The following SNX29 variants were observed in gnomAD, a reference collection of about 807,000 sequenced individuals.
The protein encoded by SNX29 is sorting nexin 29.
Under a neutral mutation model 102.1 loss-of-function variants are expected in SNX29, and 78 were observed. That is an observed-to-expected ratio of 0.76 (90% CI 0.64 to 0.92). The LOEUF (loss-of-function observed/expected upper bound fraction) is 0.92, where lower values mean the gene tolerates loss of function less well. Ranked by LOEUF, SNX29 falls within the 40% of genes least tolerant of loss-of-function variation. The pLI, the probability that SNX29 is intolerant of heterozygous loss-of-function variation, is 0.00. For synonymous variants in SNX29, 580 were observed against 414.5 expected, an observed-to-expected ratio of 1.40 and a Z score of -4.85; for missense variants, 1,280 against 1,061.7, an observed-to-expected ratio of 1.21 and a Z score of -2.86.
chr16:12,148,908 G>T (rs375562527), intron 13 of SNX29, among the ~76,000 whole-genome samples: 20 of 152,050 alleles, frequency 1.3e-4, no homozygotes, highest in African/African-American at 4.3e-4. Flanking sequence ...CTCCATGTTT[G>T]TCAGGCTGGT....
rs1469427547 is a variant in SNX29 at position 12,129,755 on chromosome 16, C to A, written c.1592C>A (p.Ala531Asp). Reference sequence around the variant, plus strand: ...CAGGGCATGAAGGTCCAGGCGCTGGCCAGGTAGGAGAGGGTGAGGGATGGA... The same window carrying A: ...CAGGGCATGAAGGTCCAGGCGCTGGACAGGTAGGAGAGGGTGAGGGATGGA... The part of the protein sequence containing the change: ...ERQGMKVQAL[A>D]RENEVLKVQL... The change falls in exon 13 of 21, where the codon GCC becomes GAC. Residue 531 changes from alanine (A) to aspartate (D), a missense_variant. Ala to Asp is a moderately radical substitution (Grantham distance 126, BLOSUM62 -2). Transcript: ENST00000566228. 5.0e-6 allele frequency: 8 copies of A among 1,605,068 alleles called. No homozygotes were observed. The highest frequency in any genetic ancestry group is 1.1e-5 in the South Asian group (1 of 89,426).
intron 20 of SNX29, among the ~76,000 whole-genome samples, chr16:12,563,350 G>A (rs1028247900): frequency 6.6e-6 from 1 of 152,174 alleles, no homozygotes; most frequent in East Asian, 1.9e-4. Context: ...CCATTATCCT[G>A]AGCCTGTCTT....
intron 11 of SNX29, among the ~76,000 whole-genome samples, chr16:12,125,085 G>A (rs756492912): frequency 2.6e-5 from 4 of 152,150 alleles, no homozygotes; most frequent in African/African-American, 4.8e-5. Context: ...TGTGTCACTC[G>A]TACTTGGCGA....
chr16:12,114,579 T>C (rs2053620338), intron 11 of SNX29, among the ~76,000 whole-genome samples: 1 of 152,018 alleles, frequency 6.6e-6, no homozygotes, highest in Non-Finnish European at 1.5e-5. Flanking sequence ...CCTTTTTTTT[T>C]TTTTAATTTT....
At chr16:12,083,629 C>T (rs1455924837) in intron 11 of SNX29, among the ~76,000 whole-genome samples, 1 of 152,184 alleles carries the variant, frequency 6.6e-6, no homozygotes, top group Non-Finnish European at 1.5e-5. Flanking sequence ...GGAAGGGATG[C>T]AATTCAGTCC....
chr16:12,036,339 T>C (rs1218960861), intron 4 of SNX29, among the ~76,000 whole-genome samples: 4 of 147,378 alleles, frequency 2.7e-5, no homozygotes, highest in South Asian at 2.1e-4. Flanking sequence ...TCTTTCTTTT[T>C]TTTTTTTTTT....
At chr16:12,517,757 C>A (rs528371578) in intron 19 of SNX29, among the ~76,000 whole-genome samples, 1 of 151,986 alleles carries the variant, frequency 6.6e-6, no homozygotes, top group African/African-American at 2.4e-5. Context: ...TGAGACTATC[C>A]CAGGAAGCAA....
chr16:12,380,226 G>A (rs1220440544), intron 16 of SNX29, among the ~76,000 whole-genome samples: 1 of 151,830 alleles, frequency 6.6e-6, no homozygotes, highest in Non-Finnish European at 1.5e-5. Context: ...GGATCAGGAG[G>A]GTACAGGCTT....
chr16:12,032,185 TTCCTTC>T (rs1567546461), intron 4 of SNX29, among the ~76,000 whole-genome samples: 2 of 151,728 alleles, frequency 1.3e-5, no homozygotes, highest in African/African-American at 4.8e-5. Context: ...GTGTCAGAAT[TTCCTTC>T]TTCTTCTTCT....
chr16:12,289,455 C>G (rs1318637332), intron 15 of SNX29, among the ~76,000 whole-genome samples: 1 of 152,180 alleles, frequency 6.6e-6, no homozygotes, highest in Non-Finnish European at 1.5e-5. Flanking sequence ...ATTTCTCTCA[C>G]AGAACCTTGG....
chr16:12,121,568 G>A (rs541849036), intron 11 of SNX29, among the ~76,000 whole-genome samples: 1 of 152,192 alleles, frequency 6.6e-6, no homozygotes. Context: ...CTGTAGTAGC[G>A]CTTGACATTT....
rs1002986065 is a variant in SNX29, at chr16:12,080,735, A to C, written c.1402+1820A>C. On this transcript the variant is annotated intron_variant, in intron 11 of 20. Transcript: ENST00000566228. Reference sequence around the variant, plus strand: ...AGACAGAGTCTTGCTCTTGTCTCCCAGGCTGGAGTGCAATGGCACGATCTC... The same window carrying C: ...AGACAGAGTCTTGCTCTTGTCTCCCCGGCTGGAGTGCAATGGCACGATCTC... Among the ~76,000 whole-genome samples the C allele has an allele frequency of 3.4e-5, 5 of 146,664 alleles. No homozygotes were observed. The East Asian group carries it at 1.0e-3, about 29-fold the overall frequency.
At chr16:12,047,885 G>A (rs2050151225) in intron 6 of SNX29, among the ~76,000 whole-genome samples, 1 of 151,980 alleles carries the variant, frequency 6.6e-6, no homozygotes, top group Admixed American at 6.6e-5. Context: ...TCGAACTCCT[G>A]ACCTCAGGTG....
At chr16:12,522,148 G>C (rs1249652043) in intron 19 of SNX29, among the ~76,000 whole-genome samples, 1 of 152,240 alleles carries the variant, frequency 6.6e-6, no homozygotes, top group Admixed American at 6.5e-5. Context: ...AGGATGCCCA[G>C]TGAAATTGGA....
At chr16:12,362,108 C>G (rs375878855) in intron 16 of SNX29, among the ~76,000 whole-genome samples, 1 of 152,236 alleles carries the variant, frequency 6.6e-6, no homozygotes, top group Non-Finnish European at 1.5e-5. Flanking sequence ...TTTTACTTCA[C>G]GAGTAGAATT....
At chr16:12,461,802 C>A (rs1458875163) in intron 18 of SNX29, among the ~76,000 whole-genome samples, 3 of 149,886 alleles carry the variant, frequency 2.0e-5, no homozygotes, top group Non-Finnish European at 4.4e-5. Context: ...ACTAAAAATA[C>A]AAAATTAGCC....
At chr16:12,512,425 G>A (rs1247030826) in intron 19 of SNX29, among the ~76,000 whole-genome samples, 2 of 82,826 alleles carry the variant, frequency 2.4e-5, no homozygotes, top group South Asian at 4.5e-4. Flanking sequence ...TATAGTTTTC[G>A]GTTTTTGAGA....
chr16:12,558,881 G>A (rs996515141), intron 20 of SNX29, among the ~76,000 whole-genome samples: 11 of 152,202 alleles, frequency 7.2e-5, no homozygotes, highest in African/African-American at 2.7e-4. Flanking sequence ...CAGAAAATGT[G>A]CCTGAGTTTG....
At position 12,573,066 on chromosome 16, in the gene SNX29, T is replaced by A. The variant is rs1057242202; in HGVS notation, c.*4437T>A. On this transcript the variant is annotated 3_prime_UTR_variant, in exon 21 of 21. Coordinates refer to ENST00000566228, the MANE Select transcript of SNX29 (RefSeq NM_032167.5). Reference sequence around the variant, plus strand: ...TTCTGCAGTTGTAGCACTGTATATTTTATCTCATTTCTGTGCCAAGAAAGT... The same window carrying A: ...TTCTGCAGTTGTAGCACTGTATATTATATCTCATTTCTGTGCCAAGAAAGT... 3 of 232,070 alleles carry A rather than the reference T, an allele frequency of 1.3e-5. No individual in the cohort carries two copies. Among genetic ancestry groups the A allele is most frequent in the Non-Finnish European group, 1.7e-5 (2 of 118,192 alleles). 14.4% of individuals were successfully genotyped at this position (232,070 alleles called of 1,614,324 possible). A position where few individuals can be genotyped will look rare whatever the true frequency, so the allele number is the denominator to read the frequency against.
Sources: allele counts gnomAD v4.1 joint callset (sites outside exome capture counted in the v4.1 genomes callset), GRCh38; gene constraint gnomAD v4.1.1; transcripts MANE v1.5; gene names NCBI Gene and HGNC (gene_info 2026-07-23, HGNC 2026-07-21).